Variants in GAS7 observed in about 807,000 individuals in gnomAD.
The protein encoded by GAS7 is growth arrest-specific protein 7.
A neutral mutation model predicts 71.1 loss-of-function variants in GAS7; 28 were observed. The ratio of observed to expected loss-of-function variants is 0.39; its 90% CI spans 0.29 to 0.54. GAS7 has a LOEUF of 0.54. GAS7 is among the 20% of genes least tolerant of loss of function. The probability of loss-of-function intolerance (pLI) is 0.62; values close to 1 mark genes in which losing one functional copy is unlikely to be tolerated. For synonymous variants in GAS7, 258 were observed against 245.8 expected (o/e 1.05, Z -0.46); for missense variants, 436 against 627.8 (o/e 0.69, Z 3.27).
intron 1 of GAS7, among the ~76,000 whole-genome samples, chr17:10,066,418 G>A (rs1597769028): frequency 6.6e-6 from 1 of 152,204 alleles, no homozygotes; most frequent in East Asian, 1.9e-4. Context: ...GACCTCAGGT[G>A]ATCCGCCCGC....
chr17:9,930,670 A>T (rs1389968364), intron 9 of GAS7, among the ~76,000 whole-genome samples: 1 of 152,210 alleles, frequency 6.6e-6, no homozygotes, highest in Non-Finnish European at 1.5e-5. Flanking sequence ...TTTCTTAAAG[A>T]GCTTTTACCC....
At chr17:10,104,602 C>T (rs1156465185) in intron 1 of GAS7, among the ~76,000 whole-genome samples, 2 of 152,212 alleles carry the variant, frequency 1.3e-5, no homozygotes, top group Admixed American at 1.3e-4. Context: ...AATCTAATGA[C>T]TCATTTTCTT....
At chr17:9,923,433 AT>A (rs2067891317) in intron 11 of GAS7, among the ~76,000 whole-genome samples, 1 of 152,198 alleles carries the variant, frequency 6.6e-6, no homozygotes, top group African/African-American at 2.4e-5. Flanking sequence ...TCTAGGAAAA[AT>A]ATCTGCAATT....
intron 1 of GAS7, among the ~76,000 whole-genome samples, chr17:10,159,988 A>G (rs2074239484): frequency 6.6e-6 from 1 of 151,884 alleles, no homozygotes; most frequent in Non-Finnish European, 1.5e-5. Flanking sequence ...CATATTGCCC[A>G]GGCTGGTCTT....
chr17:9,943,815 C>G (rs1001358707), intron 6 of GAS7, among the ~76,000 whole-genome samples: 7 of 152,198 alleles, frequency 4.6e-5, no homozygotes, highest in African/African-American at 1.7e-4. Context: ...CCCTGAAATA[C>G]TAGCTGGGTG....
intron 1 of GAS7, among the ~76,000 whole-genome samples, chr17:10,190,797 A>T (rs918261307): frequency 6.6e-6 from 1 of 151,996 alleles, no homozygotes. Context: ...TGGGCCTCAC[A>T]TAAAATACAC....
intron 13 of GAS7, 26 bp from the exon 14 acceptor site, chr17:9,917,367 ACT>A: frequency 6.6e-7 from 1 of 1,515,554 alleles, no homozygotes; most frequent in Non-Finnish European, 9.2e-7. Flanking sequence ...AAAATGCGAC[ACT>A]GTTAGAGACG....
At chr17:10,166,021 T>TTTTTTC in intron 1 of GAS7, among the ~76,000 whole-genome samples, 1 of 150,854 alleles carries the variant, frequency 6.6e-6, no homozygotes. Context: ...CTTTTTTTTT[T>TTTTTTC]TTTTCTTTTT....
intron 4 of GAS7, among the ~76,000 whole-genome samples, chr17:9,960,969 T>C (rs891155359): frequency 1.3e-5 from 2 of 152,144 alleles, no homozygotes; most frequent in Non-Finnish European, 2.9e-5. Context: ...AGCTTTGAGG[T>C]GCATCAGAAT....
chr17:10,084,864 G>A (rs1273763784), intron 1 of GAS7, among the ~76,000 whole-genome samples: 1 of 152,164 alleles, frequency 6.6e-6, no homozygotes, highest in Non-Finnish European at 1.5e-5. Context: ...CCAGGTGCCA[G>A]CTCTCCACAA....
At chr17:9,946,624 T>C (rs542417265) in intron 6 of GAS7, among the ~76,000 whole-genome samples, 2 of 152,262 alleles carry the variant, frequency 1.3e-5, no homozygotes, top group South Asian at 4.2e-4. Context: ...TCACTGAGCA[T>C]CGGAGAAAAT....
intron 1 of GAS7, among the ~76,000 whole-genome samples, chr17:10,163,532 C>T (rs1477315884): frequency 6.6e-6 from 1 of 151,124 alleles, no homozygotes; most frequent in Non-Finnish European, 1.5e-5. Context: ...GAGAGAAATA[C>T]AGATTAAAGT....
chr17:9,944,042 T>C (rs941413729), intron 6 of GAS7, among the ~76,000 whole-genome samples: 2 of 152,248 alleles, frequency 1.3e-5, no homozygotes, highest in African/African-American at 4.8e-5. Context: ...GGCAAGTCAA[T>C]GAAATAAGTA....
chr17:10,194,365 G>A (rs1027831708), intron 1 of GAS7, among the ~76,000 whole-genome samples: 20 of 152,176 alleles, frequency 1.3e-4, no homozygotes, highest in African/African-American at 4.6e-4. Context: ...GGAAAGTACA[G>A]GCCACAGGAA....
intron 1 of GAS7, among the ~76,000 whole-genome samples, chr17:10,123,707 G>T (rs1376046554): frequency 1.3e-5 from 2 of 152,194 alleles, no homozygotes. Flanking sequence ...CAACAAACGT[G>T]GGCTCCATTC....
At chr17:10,016,211 C>T (rs2071990267) in intron 2 of GAS7, among the ~76,000 whole-genome samples, 1 of 151,746 alleles carries the variant, frequency 6.6e-6, no homozygotes, top group Admixed American at 6.6e-5. Context: ...CGGTGAAACC[C>T]CATCTCTACT....
At position 9,914,819 on chromosome 17, in the gene GAS7, G is replaced by A. The variant is rs932973938; in HGVS notation, c.*2409C>T. The A allele has an allele frequency of 3.0e-5, 7 of 230,156 alleles. No homozygotes were observed. The highest frequency in any genetic ancestry group is 6.0e-5 in the Non-Finnish European group (7 of 116,202). The allele number at this position is 230,156 out of a possible 1,614,324, so 14.3% of individuals were successfully genotyped here. ...TAGAGCGCCGCTTCTCAGCATGCCT[G>A]GCTTGTCTTGAGCATTCGCTGAATG... On this transcript the variant is annotated 3_prime_UTR_variant, in exon 14 of 14. Coordinates refer to ENST00000432992, the MANE Select transcript of GAS7 (RefSeq NM_201433.2).
At chr17:10,015,499 C>T (rs1001480325) in intron 2 of GAS7, among the ~76,000 whole-genome samples, 1 of 152,146 alleles carries the variant, frequency 6.6e-6, no homozygotes, top group Non-Finnish European at 1.5e-5. Context: ...GCAGCTGGCC[C>T]AGCAGTGAGG....
chr17:9,927,536 A>C (rs1329287037), intron 9 of GAS7, among the ~76,000 whole-genome samples: 1 of 151,744 alleles, frequency 6.6e-6, no homozygotes, highest in Non-Finnish European at 1.5e-5. Flanking sequence ...GACCTCACAC[A>C]CTTATTTTAT....
Sources: allele counts gnomAD v4.1 joint callset (sites outside exome capture counted in the v4.1 genomes callset), GRCh38; gene constraint gnomAD v4.1.1; transcripts MANE v1.5; gene names NCBI Gene and HGNC (gene_info 2026-07-23, HGNC 2026-07-21).